Variants in LRRTM4 observed in about 807,000 individuals in gnomAD.
The protein encoded by LRRTM4 is leucine rich repeat transmembrane neuronal 4.
Under a neutral mutation model 47.6 loss-of-function variants are expected in LRRTM4, and 25 were observed. The ratio of observed to expected loss-of-function variants is 0.53; its 90% confidence interval spans 0.38 to 0.73. The LOEUF (loss-of-function observed/expected upper bound fraction) is 0.73. LRRTM4 is among the 30% of genes least tolerant of loss of function. LRRTM4 has a pLI of 0.00. For synonymous variants in LRRTM4, 311 were observed against 269.5 expected, an observed-to-expected ratio of 1.15 and a Z score of -1.51; for missense variants, 638 against 713.4, an observed-to-expected ratio of 0.89 and a Z score of 1.20.
chr2:77,510,394 T>G (rs1011381301), intron 3 of LRRTM4, among the ~76,000 whole-genome samples: 1 of 152,114 alleles, frequency 6.6e-6, no homozygotes, highest in Non-Finnish European at 1.5e-5. Context: ...AAAGACTGTT[T>G]CTGTTTGTCT....
intron 3 of LRRTM4, among the ~76,000 whole-genome samples, chr2:77,360,280 AC>A (rs1672139466): frequency 6.6e-6 from 1 of 151,938 alleles, no homozygotes. Context: ...ACACGGTGAA[AC>A]CCCGTATCTA....
rs1377807152 is a variant in LRRTM4 at position 77,488,948 on chromosome 2, A to G, written c.1551+29370T>C. On this transcript the variant is annotated intron_variant, in intron 3 of 3. Coordinates refer to ENST00000409884, the MANE Select transcript of LRRTM4 (RefSeq NM_001134745.3). ...ACACCAGCATGGCACATGTATACATATGTAACAAACCTGCACATAGTGCAC... is the reference window on the plus strand; with the variant it reads ...ACACCAGCATGGCACATGTATACATGTGTAACAAACCTGCACATAGTGCAC... Among the ~76,000 whole-genome samples, 3 of 151,954 alleles carry G rather than the reference A, an allele frequency of 2.0e-5. No individual in the cohort carries two copies. In the East Asian group the frequency reaches 5.9e-4, roughly 30 times the overall value.
intron 3 of LRRTM4, among the ~76,000 whole-genome samples, chr2:76,795,830 G>T (rs950139443): frequency 6.6e-6 from 1 of 152,018 alleles, no homozygotes; most frequent in East Asian, 1.9e-4. Flanking sequence ...GGCCAAATAG[G>T]AACAGCTCCT....
chr2:77,315,101 CG>C (rs1279710367), intron 3 of LRRTM4, among the ~76,000 whole-genome samples: 1 of 152,016 alleles, frequency 6.6e-6, no homozygotes, highest in Non-Finnish European at 1.5e-5. Flanking sequence ...GTAACCCCAT[CG>C]TAAGGAGAGA....
chr2:77,376,210 T>G (rs1327865457), intron 3 of LRRTM4, among the ~76,000 whole-genome samples: 5 of 151,808 alleles, frequency 3.3e-5, no homozygotes, highest in Non-Finnish European at 7.4e-5. Flanking sequence ...TATATCTAAC[T>G]AAGTGTTTTA....
chr2:77,430,088 T>TA (rs1675304083), intron 3 of LRRTM4, among the ~76,000 whole-genome samples: 1 of 152,064 alleles, frequency 6.6e-6, no homozygotes, highest in South Asian at 2.1e-4. Context: ...AAATCTGTTT[T>TA]AAAACATGCT....
intron 3 of LRRTM4, among the ~76,000 whole-genome samples, chr2:77,194,043 A>G (rs1278320935): frequency 6.6e-6 from 1 of 152,196 alleles, no homozygotes; most frequent in Non-Finnish European, 1.5e-5. Flanking sequence ...GTATTCAGTT[A>G]TAGTCATCTT....
At chr2:77,320,504 G>T (rs1305605193) in intron 3 of LRRTM4, among the ~76,000 whole-genome samples, 1 of 152,076 alleles carries the variant, frequency 6.6e-6, no homozygotes, top group Non-Finnish European at 1.5e-5. Flanking sequence ...AGTGTTATTT[G>T]CCTACTTATT....
intron 3 of LRRTM4, among the ~76,000 whole-genome samples, chr2:76,818,171 T>G (rs1453689191): frequency 6.6e-6 from 1 of 151,904 alleles, no homozygotes; most frequent in Non-Finnish European, 1.5e-5. Flanking sequence ...CCCCTAAAGA[T>G]AAGTATTATC....
intron 3 of LRRTM4, among the ~76,000 whole-genome samples, chr2:76,776,838 C>G (rs1394196610): frequency 1.4e-5 from 2 of 145,350 alleles, no homozygotes; most frequent in Non-Finnish European, 3.0e-5. Flanking sequence ...TTGCCCATGC[C>G]TATGTCCTGA....
chr2:77,497,348 A>T (rs1678402095), intron 3 of LRRTM4, among the ~76,000 whole-genome samples: 2 of 143,962 alleles, frequency 1.4e-5, no homozygotes, highest in South Asian at 2.1e-4. Context: ...TTTGTGTTTG[A>T]TTTGCTCTGT....
rs70956633 is a variant in LRRTM4 at position 77,477,903 on chromosome 2, A to AAAAGAAAG, written c.1551+40407_1551+40414dup. On this transcript the variant is annotated intron_variant, in intron 3 of 3. Coordinates refer to ENST00000409884, the MANE Select transcript of LRRTM4 (RefSeq NM_001134745.3). ...AAAGAGAAAGAAAGAAAAAGAAAGA[A>AAAAGAAAG]AAAGAAAGAAAGAAAGAAAGAAAGA... Among the ~76,000 whole-genome samples the AAAAGAAAG allele has an allele frequency of 4.3e-3, 474 of 109,854 alleles. 3 individuals carry two copies. The highest frequency in any genetic ancestry group is 8.2e-3 in the East Asian group (29 of 3,542). The allele number at this position is 109,854 out of a possible 152,430, so 72.1% of individuals were successfully genotyped here.
At chr2:76,902,447 G>C (rs1673670607) in intron 3 of LRRTM4, among the ~76,000 whole-genome samples, 1 of 152,104 alleles carries the variant, frequency 6.6e-6, no homozygotes, top group South Asian at 2.1e-4. Context: ...AAGTTTGTGT[G>C]TCAGGCCACC....
intron 3 of LRRTM4, among the ~76,000 whole-genome samples, chr2:77,090,988 G>A (rs369520133): frequency 0.14 from 21,292 of 150,484 alleles, 577 homozygotes; most frequent in East Asian, 0.19. Context: ...TCAAGGGCCT[G>A]TTTCCCTTGC....
At chr2:76,999,212 A>G (rs1838879) in intron 3 of LRRTM4, among the ~76,000 whole-genome samples, 51,799 of 151,836 alleles carry the variant, frequency 0.34, 9,555 homozygotes, top group East Asian at 0.63. Context: ...AGCTGTAGGT[A>G]CCCTGGGAAG....
chr2:76,856,319 A>G (rs1445951980), intron 3 of LRRTM4, among the ~76,000 whole-genome samples: 2 of 152,166 alleles, frequency 1.3e-5, no homozygotes, highest in African/African-American at 4.8e-5. Context: ...ATAAATTTTG[A>G]AAAAAGAAGG....
intron 3 of LRRTM4, among the ~76,000 whole-genome samples, chr2:77,256,750 A>G (rs1321257726): frequency 6.6e-6 from 1 of 152,136 alleles, no homozygotes; most frequent in Non-Finnish European, 1.5e-5. Flanking sequence ...AGCAGAATGA[A>G]AACAGACTAA....
rs1678924241 is a variant in LRRTM4, at chr2:77,038,686, T to C, written c.1552-289770A>G. 2.0e-5 allele frequency among the ~76,000 whole-genome samples: 3 copies of C among 151,540 alleles called. No homozygotes were observed. In the Admixed American group the frequency reaches 2.0e-4, roughly 10 times the overall value. ...CTAGTTTTAGTCTCCTTCTGCCATT[T>C]TGCAAAGCCAGATTTCAAGAAATTA... On this transcript the variant is annotated intron_variant, in intron 3 of 3. Transcript: ENST00000409884.
At chr2:77,412,239 T>C (rs1289292567) in intron 3 of LRRTM4, among the ~76,000 whole-genome samples, 1 of 152,210 alleles carries the variant, frequency 6.6e-6, no homozygotes, top group Non-Finnish European at 1.5e-5. Context: ...AGGGGCAGCA[T>C]TTTAGTTCGC....
Sources: allele counts gnomAD v4.1 joint callset (sites outside exome capture counted in the v4.1 genomes callset), GRCh38; gene constraint gnomAD v4.1.1; transcripts MANE v1.5; gene names NCBI Gene and HGNC (gene_info 2026-07-23, HGNC 2026-07-21).